PCNX1: variants seen among roughly 807,000 people sequenced by gnomAD.
The protein encoded by PCNX1 is pecanex 1.
Under a neutral mutation model 242.2 loss-of-function variants are expected in PCNX1, and 78 were observed. That is an observed-to-expected ratio of 0.32 (90% CI 0.27 to 0.39). The LOEUF (loss-of-function observed/expected upper bound fraction) is 0.39. Ranked by LOEUF, PCNX1 falls within the 10% of genes least tolerant of loss-of-function variation. PCNX1 has a pLI of 1.00. For missense variants in PCNX1, 2,581 were observed against 2,856.5 expected (o/e 0.90, Z 2.20); for synonymous variants, 1,024 against 1,032.9 (o/e 0.99, Z 0.17).
At chr14:70,959,611 T>C (rs941909623) in intron 2 of PCNX1, among the ~76,000 whole-genome samples, 17 of 151,490 alleles carry the variant, frequency 1.1e-4, no homozygotes, top group Non-Finnish European at 2.4e-4. Flanking sequence ...TGCCACATTT[T>C]CTTAATCCAG....
rs371163333 is a variant in PCNX1 at position 70,979,266 on chromosome 14, A to G, written c.2311+618A>G. Among the ~76,000 whole-genome samples the G allele has an allele frequency of 4.2e-4, 64 of 152,274 alleles. 1 individual carries two copies. The East Asian group carries it at 6.9e-3, about 17-fold the overall frequency. ...TATTAAATTCAGATTTGTAGTTTATATTGACATTTGGTATCCATTAATTGA... is the reference window on the plus strand; with the variant it reads ...TATTAAATTCAGATTTGTAGTTTATGTTGACATTTGGTATCCATTAATTGA... On this transcript the variant is annotated intron_variant, in intron 6 of 35. Coordinates refer to ENST00000304743, the MANE Select transcript of PCNX1 (RefSeq NM_014982.3).
At chr14:71,013,264 TA>T in intron 11 of PCNX1, 62 bp downstream of exon 11, 2 of 1,262,588 alleles carry the variant, frequency 1.6e-6, no homozygotes, top group Non-Finnish European at 2.3e-6. Context: ...GAAGTGTCTT[TA>T]ATTACCCACT....
At chr14:70,949,296 TAC>T (rs199860087) in intron 2 of PCNX1, among the ~76,000 whole-genome samples, 4 of 145,408 alleles carry the variant, frequency 2.8e-5, no homozygotes, top group African/African-American at 7.8e-5. Flanking sequence ...CACACGTGTG[TAC>T]ACACATATGT....
At chr14:71,095,693 T>C (rs185473701) in intron 30 of PCNX1, among the ~76,000 whole-genome samples, 6 of 152,168 alleles carry the variant, frequency 3.9e-5, no homozygotes, top group Admixed American at 2.6e-4. Context: ...TTTTTTTTCA[T>C]TTAATATGAC....
intron 6 of PCNX1, among the ~76,000 whole-genome samples, chr14:70,984,728 C>T (rs2058948217): frequency 1.3e-5 from 2 of 152,236 alleles, no homozygotes; most frequent in South Asian, 4.1e-4. Context: ...TGTATTTATA[C>T]TCACAGCTTC....
chr14:70,996,334 A>G (rs764891593), intron 8 of PCNX1, among the ~76,000 whole-genome samples: 5 of 152,210 alleles, frequency 3.3e-5, no homozygotes, highest in Admixed American at 6.5e-5. Context: ...CTGCCACTAT[A>G]GAATCTTTCT....
In PCNX1 at chr14:71,073,535, T is replaced by C. The variant is rs2061639398; in HGVS notation, c.4853-10T>C. ...TTCCCCCTTTGTAAAGCTCTCTCTC[T>C]CTCTCTAAGGTACCTACTGTCAACA... On this transcript the variant is annotated splice_polypyrimidine_tract_variant and intron_variant, in intron 26 of 35. Transcript: ENST00000304743. 2 of 1,592,488 alleles carry C rather than the reference T, an allele frequency of 1.3e-6. No individual in the cohort carries two copies. Among genetic ancestry groups the C allele is most frequent in the African/African-American group, 2.7e-5 (2 of 74,552 alleles).
chr14:70,913,991 C>G (rs1473652299), intron 1 of PCNX1, among the ~76,000 whole-genome samples: 1 of 152,108 alleles, frequency 6.6e-6, no homozygotes, highest in Admixed American at 6.5e-5. Context: ...CAAAGTGAGT[C>G]TAATTATTTC....
chr14:70,972,857 G>A (rs2140061000), intron 5 of PCNX1, among the ~76,000 whole-genome samples: 1 of 152,314 alleles, frequency 6.6e-6, no homozygotes, highest in Admixed American at 6.5e-5. Flanking sequence ...TGAGGGCTGG[G>A]TAGAAGGTAG....
At chr14:70,948,763 A>G (rs1278584612) in intron 2 of PCNX1, among the ~76,000 whole-genome samples, 1 of 149,038 alleles carries the variant, frequency 6.7e-6, no homozygotes, top group Non-Finnish European at 1.5e-5. Context: ...ATGTACATAT[A>G]CACATATATG....
chr14:70,996,636 A>G (rs1377779674), intron 8 of PCNX1, among the ~76,000 whole-genome samples: 1 of 152,168 alleles, frequency 6.6e-6, no homozygotes, highest in East Asian at 1.9e-4. Flanking sequence ...GTCTCTGTAT[A>G]ATCTAGCTGT....
chr14:70,942,825 A>G (rs545620311), intron 1 of PCNX1: 8 of 152,296 alleles, frequency 5.3e-5, no homozygotes, highest in African/African-American at 1.9e-4. Flanking sequence ...TTGTGTCCTC[A>G]CCCAAATCTC....
intron 10 of PCNX1, 147 bp from the exon 11 acceptor site, chr14:71,012,838 A>G (rs1229252253): frequency 3.3e-6 from 2 of 613,934 alleles, no homozygotes; most frequent in Non-Finnish European, 5.6e-6. Flanking sequence ...AAAAAAAAAA[A>G]GTGTATGAGA....
In PCNX1 at chr14:70,947,793, G is replaced by A. The variant is rs28659887; in HGVS notation, c.362+670G>A. Among the ~76,000 whole-genome samples the A allele has an allele frequency of 8.5e-3, 1,298 of 152,246 alleles. 10 individuals carry two copies. Among genetic ancestry groups the A allele is most frequent in the African/African-American group, 0.029 (1,203 of 41,534 alleles). ...AAGTCTGACTGCCTGCGGGCTGGGCGGAACAGAGTCATATTTCTCTTCTTG... is the reference window on the plus strand; with the variant it reads ...AAGTCTGACTGCCTGCGGGCTGGGCAGAACAGAGTCATATTTCTCTTCTTG... On this transcript the variant is annotated intron_variant, in intron 2 of 35. Transcript: ENST00000304743.
intron 30 of PCNX1, among the ~76,000 whole-genome samples, chr14:71,098,650 A>T (rs1200172295): frequency 3.9e-5 from 6 of 151,996 alleles, no homozygotes; most frequent in Non-Finnish European, 7.4e-5. Context: ...TGATTTTAGT[A>T]TGCTGATTTT....
intron 30 of PCNX1, 21 bp from the exon 31 acceptor site, chr14:71,101,969 A>T: frequency 7.5e-7 from 1 of 1,337,578 alleles, no homozygotes; most frequent in South Asian, 1.4e-5. Flanking sequence ...TTAAAAATTT[A>T]TATATTATTT....
intron 16 of PCNX1, among the ~76,000 whole-genome samples, chr14:71,029,220 C>T (rs767874044): frequency 1.1e-4 from 17 of 151,982 alleles, no homozygotes; most frequent in East Asian, 1.9e-4. Context: ...TGAAATTTAA[C>T]GTCATTATTG....
intron 8 of PCNX1, among the ~76,000 whole-genome samples, chr14:71,004,472 G>T (rs147205603): frequency 1.8e-3 from 276 of 152,350 alleles, no homozygotes; most frequent in African/African-American, 6.3e-3. Context: ...AACTGCACAT[G>T]CAAGGGATCT....
chr14:70,907,834 G>A lies in PCNX1; in HGVS notation c.-17G>A. The A allele has an allele frequency of 1.6e-6, 2 of 1,274,684 alleles. No homozygotes were observed. The highest frequency in any genetic ancestry group is 2.0e-6 in the Non-Finnish European group (2 of 1,008,212). 79.0% of individuals were successfully genotyped at this position (1,274,684 alleles called of 1,614,324 possible). A position where few individuals can be genotyped will look rare whatever the true frequency, so the allele number is the denominator to read the frequency against. ...CGGCGGCGGCGGCGGCGGCGACGGC[G>A]GCGGCGCCGGGTGGGGATGGGGTCG... On this transcript the variant is annotated 5_prime_UTR_variant, in exon 1 of 36. Transcript: ENST00000304743.
Sources: gnomAD v4.1 joint callset for allele counts (sites outside exome capture counted in the v4.1 genomes callset) on GRCh38, gnomAD v4.1.1 for gene constraint, MANE v1.5 for transcripts, NCBI Gene and HGNC (gene_info 2026-07-23, HGNC 2026-07-21) for gene names.